DCN: variants seen among roughly 807,000 people sequenced by gnomAD.
DCN encodes bone proteoglycan II.
In DCN, 17 loss-of-function variants were observed where a neutral mutation model predicts 36.5. The observed-to-expected ratio is 0.47, with a 90% CI of 0.32 to 0.70. DCN has a LOEUF of 0.70. Ranked by LOEUF, DCN falls within the 30% of genes least tolerant of loss-of-function variation. DCN has a pLI of 0.04. For synonymous variants in DCN, 163 were observed against 161.4 expected, an observed-to-expected ratio of 1.01 and a Z score of -0.07; for missense variants, 389 against 430.1, an observed-to-expected ratio of 0.90 and a Z score of 0.84.
At chr12:91,169,184 CCT>C (rs566611405) in intron 2 of DCN, among the ~76,000 whole-genome samples, 57 of 151,844 alleles carry the variant, frequency 3.8e-4, no homozygotes, top group Admixed American at 5.2e-4. Flanking sequence ...ATTGCTTGAG[CCT>C]CTGAGTTCAA....
rs1180970225 is a variant in DCN, at chr12:91,158,635, G to GA, written c.325-127dup. 1.7e-5 allele frequency: 12 copies of GA among 689,562 alleles called. No homozygotes were observed. The East Asian group carries it at 1.9e-4, about 11-fold the overall frequency. The allele number at this position is 689,562 out of a possible 1,614,324, so 42.7% of individuals were successfully genotyped here. On this transcript the variant is annotated intron_variant, in intron 3 of 7. Coordinates refer to ENST00000052754, the MANE Select transcript of DCN (RefSeq NM_001920.5). ...AAATCTAAAAAATTGCAAGAAATCA[G>GA]AAAAAAATTAAGTAAGTATTATTTC...
intron 1 of DCN, among the ~76,000 whole-genome samples, chr12:91,181,341 C>T (rs1868394251): frequency 6.6e-6 from 1 of 152,092 alleles, no homozygotes; most frequent in Non-Finnish European, 1.5e-5. Context: ...CATCTTAAAA[C>T]ATTTAATGTG....
In DCN at chr12:91,144,091, A is replaced by G. The variant is rs1880871462; in HGVS notation, c.*1967T>C. 1 of 152,114 alleles carries G rather than the reference A, an allele frequency of 6.6e-6. No homozygotes were observed. Among genetic ancestry groups the G allele is most frequent in the African/African-American group, 2.4e-5 (1 of 41,430 alleles). The allele number at this position is 152,114 out of a possible 1,614,324, so 9.4% of individuals were successfully genotyped here. A position where few individuals can be genotyped will look rare whatever the true frequency, so the allele number is the denominator to read the frequency against. On this transcript the variant is annotated 3_prime_UTR_variant, in exon 8 of 8. Coordinates refer to ENST00000052754, the MANE Select transcript of DCN (RefSeq NM_001920.5). Reference sequence around the variant, plus strand: ...CCACACTTGTCAGTTAAGCAGCAGGATATCTGCAGGCTTTTCCCCATAAGA... The same window carrying G: ...CCACACTTGTCAGTTAAGCAGCAGGGTATCTGCAGGCTTTTCCCCATAAGA...
intron 2 of DCN, chr12:91,175,773 A>G (rs1264450406): frequency 1.3e-5 from 2 of 152,098 alleles, no homozygotes; most frequent in East Asian, 3.8e-4. Flanking sequence ...TTTCTTTATT[A>G]TAATAATTCA....
chr12:91,178,280 G>C (rs1883415995), intron 2 of DCN, 62 bp downstream of exon 2: 4 of 1,407,916 alleles, frequency 2.8e-6, no homozygotes, highest in Middle Eastern at 4.7e-4. Flanking sequence ...TAAACTCTCA[G>C]AGTTGCCATT....
intron 5 of DCN, among the ~76,000 whole-genome samples, chr12:91,156,050 T>C (rs1250456874): frequency 5.3e-5 from 8 of 152,142 alleles, no homozygotes; most frequent in African/African-American, 1.9e-4. Context: ...CTAGATAATA[T>C]AGAGGGCTTC....
chr12:91,151,742 G>T lies in DCN; in HGVS notation c.797C>A (p.Ala266Asp). 6.2e-7 allele frequency: 1 copy of T among 1,613,972 alleles called. No individual in the cohort carries two copies. ...SISAVDNGSL[A>D]NTPHLRELHL... is the part of the protein sequence containing the mutation. ...AAGCTCCCTCAGATGAGGCGTGTTGGCCAGAGAGCCATTGTCAACAGCAGA... is the reference window on the plus strand; with the variant it reads ...AAGCTCCCTCAGATGAGGCGTGTTGTCCAGAGAGCCATTGTCAACAGCAGA... The change falls in exon 7 of 8, where the codon GCC becomes GAC. Residue 266 changes from alanine (A) to aspartate (D), a missense_variant. Transcript: ENST00000052754.
intron 2 of DCN, among the ~76,000 whole-genome samples, chr12:91,166,999 T>C (rs540876303): frequency 2.5e-4 from 38 of 152,142 alleles, no homozygotes; most frequent in Non-Finnish European, 4.7e-4. Flanking sequence ...ATGAGATAGG[T>C]AAGGCAGTAT....
intron 3 of DCN, among the ~76,000 whole-genome samples, chr12:91,160,622 T>C (rs1194506265): frequency 6.6e-6 from 1 of 152,112 alleles, no homozygotes; most frequent in Non-Finnish European, 1.5e-5. Context: ...AGATATCAAG[T>C]GTGACTACCT....
chr12:91,169,473 G>A (rs1372985664), intron 2 of DCN, among the ~76,000 whole-genome samples: 2 of 147,358 alleles, frequency 1.4e-5, no homozygotes, highest in Non-Finnish European at 3.0e-5. Context: ...ATATAAATAA[G>A]CTATAAACTA....
chr12:91,156,170 G>C (rs1881751987), intron 5 of DCN, among the ~76,000 whole-genome samples: 1 of 152,068 alleles, frequency 6.6e-6, no homozygotes, highest in African/African-American at 2.4e-5. Flanking sequence ...TGCCTCTCCT[G>C]GGAATCCCTT....
At chr12:91,173,993 G>C (rs1883138815) in intron 2 of DCN, among the ~76,000 whole-genome samples, 1 of 152,042 alleles carries the variant, frequency 6.6e-6, no homozygotes, top group African/African-American at 2.4e-5. Flanking sequence ...TGCATTATAA[G>C]GTACATTATT....
At chr12:91,164,521 A>T in intron 3 of DCN, 84 bp downstream of exon 3, 1 of 744,328 alleles carries the variant, frequency 1.3e-6, no homozygotes, top group Non-Finnish European at 2.4e-6. Context: ...GTTGGTACAT[A>T]GTACTCTTGG....
intron 3 of DCN, among the ~76,000 whole-genome samples, chr12:91,159,565 C>T (rs896309057): frequency 6.6e-6 from 1 of 151,538 alleles, no homozygotes; most frequent in Admixed American, 6.6e-5. Flanking sequence ...CACAGAGAGC[C>T]TTAACATATT....
At chr12:91,173,573 C>T (rs1041755590) in intron 2 of DCN, among the ~76,000 whole-genome samples, 2 of 152,308 alleles carry the variant, frequency 1.3e-5, no homozygotes, top group Admixed American at 6.5e-5. Context: ...AGTGGTCATA[C>T]TCTGTGCACA....
At chr12:91,170,622 C>G (rs1014201739) in intron 2 of DCN, among the ~76,000 whole-genome samples, 11 of 152,158 alleles carry the variant, frequency 7.2e-5, no homozygotes, top group Non-Finnish European at 1.5e-4. Context: ...AAATGCTACA[C>G]TCTTTTGCAA....
rs1272482429 is a variant in DCN, at chr12:91,142,816, G to A, written c.*3242C>T. On this transcript the variant is annotated 3_prime_UTR_variant, in exon 8 of 8. Coordinates refer to ENST00000052754, the MANE Select transcript of DCN (RefSeq NM_001920.5). ...CCTTTTATGTGAAGCACCCATAATC[G>A]AACAACAGTTTTAATGAAAACAAAA... 1.5e-4 allele frequency: 23 copies of A among 151,930 alleles called. No homozygotes were observed. Among genetic ancestry groups the A allele is most frequent in the Admixed American group, 1.4e-3 (21 of 15,240 alleles). 9.4% of individuals were successfully genotyped at this position (151,930 alleles called of 1,614,324 possible).
Position 91,142,860 on chromosome 12 carries a change from G to C in DCN, c.*3198C>G, listed in dbSNP as rs905812952. The C allele has an allele frequency of 2.6e-5, 4 of 152,006 alleles. No individual in the cohort carries two copies. The highest frequency in any genetic ancestry group is 4.4e-5 in the Non-Finnish European group (3 of 67,996). The allele number at this position is 152,006 out of a possible 1,614,324, so 9.4% of individuals were successfully genotyped here. A position where few individuals can be genotyped will look rare whatever the true frequency, so the allele number is the denominator to read the frequency against. The stretch of plus-strand genomic sequence containing the variant: ...AACAAAAAAATTAAACATTTAATAA[G>C]GAAAAAAGAAAGTGGATATTAATGA... On this transcript the variant is annotated 3_prime_UTR_variant, in exon 8 of 8. Coordinates refer to ENST00000052754, the MANE Select transcript of DCN (RefSeq NM_001920.5).
intron 3 of DCN, among the ~76,000 whole-genome samples, chr12:91,159,693 C>A (rs1213378885): frequency 6.6e-6 from 1 of 150,996 alleles, no homozygotes; most frequent in Non-Finnish European, 1.5e-5. Context: ...TAAGAAATTA[C>A]CTCTAATTCA....
Sources: gnomAD v4.1 joint callset for allele counts (sites outside exome capture counted in the v4.1 genomes callset) on GRCh38, gnomAD v4.1.1 for gene constraint, MANE v1.5 for transcripts, NCBI Gene and HGNC (gene_info 2026-07-23, HGNC 2026-07-21) for gene names.